The following CLUAP1 variants were observed in gnomAD, a reference collection of about 807,000 sequenced individuals.
The protein encoded by CLUAP1 is clusterin-associated protein 1.
A neutral mutation model predicts 55.0 loss-of-function variants in CLUAP1; 50 were observed. The ratio of observed to expected loss-of-function variants is 0.91; its 90% confidence interval spans 0.72 to 1.15. The LOEUF is 1.15. CLUAP1 is among the 50% of genes most tolerant of loss of function. CLUAP1 has a pLI of 0.00. For missense variants in CLUAP1, 530 were observed against 507.6 expected, an observed-to-expected ratio of 1.04 and a Z score of -0.42; for synonymous variants, 195 against 175.4, an observed-to-expected ratio of 1.11 and a Z score of -0.88.
At chr16:3,529,748 A>ATAATATATAATATATATTATAT (rs2038062579) in intron 9 of CLUAP1, among the ~76,000 whole-genome samples, 1 of 44,668 alleles carries the variant, frequency 2.2e-5, no homozygotes, top group Non-Finnish European at 3.7e-5. Flanking sequence ...TATATATTAT[A>ATAATATATAATATATATTATAT]TATTATATAA....
At chr16:3,516,179 TGAATCACGACA>T (rs1046576709) in intron 6 of CLUAP1, among the ~76,000 whole-genome samples, 12 of 152,182 alleles carry the variant, frequency 7.9e-5, no homozygotes, top group African/African-American at 2.9e-4. Context: ...CTTATAAACA[TGAATCACGACA>T]GGGCATATCA....
chr16:3,530,788 C>A (rs1176075650), intron 10 of CLUAP1, 113 bp downstream of exon 10: 1 of 707,416 alleles, frequency 1.4e-6, no homozygotes. Flanking sequence ...CTGCGAATGG[C>A]CCCTAGAAGC....
At chr16:3,524,050 G>A (rs539545209) in intron 8 of CLUAP1, among the ~76,000 whole-genome samples, 22 of 152,268 alleles carry the variant, frequency 1.4e-4, no homozygotes, top group African/African-American at 5.1e-4. Flanking sequence ...TGTAATCCCA[G>A]CACTTTGGGA....
chr16:3,519,967 C>A lies in CLUAP1; in HGVS notation c.644C>A (p.Ala215Asp). The A allele has an allele frequency of 6.2e-7, 1 of 1,613,348 alleles. No homozygotes were observed. The highest frequency in any genetic ancestry group is 2.2e-5 in the East Asian group (1 of 44,856). ...GCCTCTGATGAAGCTAATTTAGAAGCCAAAATCGAAAAGAGAAAATTAGAA... is the reference window on the plus strand; with the variant it reads ...GCCTCTGATGAAGCTAATTTAGAAGACAAAATCGAAAAGAGAAAATTAGAA... ...NVASDEANLE[A>D]KIEKRKLELE... The change falls in exon 7 of 12, where the codon GCC becomes GAC. Residue 215 changes from alanine (A) to aspartate (D), a missense_variant. Physicochemically the swap from Ala to Asp is moderately radical, Grantham distance 126. Coordinates refer to ENST00000576634, the MANE Select transcript of CLUAP1 (RefSeq NM_015041.3).
intron 1 of CLUAP1, among the ~76,000 whole-genome samples, chr16:3,504,499 C>T (rs767104259): frequency 1.3e-5 from 2 of 152,170 alleles, no homozygotes; most frequent in Non-Finnish European, 2.9e-5. Flanking sequence ...CATGTATAGC[C>T]ATCTACTTCT....
chr16:3,511,626 C>G (rs1008973504), intron 4 of CLUAP1, among the ~76,000 whole-genome samples: 1 of 152,202 alleles, frequency 6.6e-6, no homozygotes, highest in South Asian at 2.1e-4. Context: ...GTCAGGCACC[C>G]TACTGTGACA....
At chr16:3,530,034 T>G (rs1320771171) in intron 9 of CLUAP1, among the ~76,000 whole-genome samples, 2 of 148,494 alleles carry the variant, frequency 1.3e-5, no homozygotes, top group South Asian at 4.2e-4. Flanking sequence ...TGAGCCACAG[T>G]TCTAGGAGCA....
In CLUAP1 at chr16:3,538,060, A is replaced by G. The variant is rs1236778941; in HGVS notation, c.*1789A>G. ...AAAAAGCACAAAACAGTTTTCACTT[A>G]TTTTACAATTAAAAAGTCAGAAGAC... On this transcript the variant is annotated 3_prime_UTR_variant, in exon 12 of 12. Coordinates refer to ENST00000576634, the MANE Select transcript of CLUAP1 (RefSeq NM_015041.3). 6.6e-6 allele frequency: 1 copy of G among 150,904 alleles called. No individual in the cohort carries two copies. Among genetic ancestry groups the G allele is most frequent in the Non-Finnish European group, 1.5e-5 (1 of 67,770 alleles). 9.3% of individuals were successfully genotyped at this position (150,904 alleles called of 1,614,324 possible).
upstream of CLUAP1, among the ~76,000 whole-genome samples, chr16:3,500,595 TC>T (rs2037371447): frequency 6.6e-6 from 1 of 152,162 alleles, no homozygotes; most frequent in African/African-American, 2.4e-5. Flanking sequence ...GGTCTCGAAC[TC>T]CTGACCTCAA....
At chr16:3,496,258 A>C, upstream of CLUAP1, 1 of 699,296 alleles carries the variant, frequency 1.4e-6, no homozygotes, top group Non-Finnish European at 2.6e-6. Flanking sequence ...AGAGCCCAAG[A>C]GCCAGGATAT....
In CLUAP1 at chr16:3,526,392, C is replaced by T; in HGVS notation, c.856-20C>T. ...CAGAAAAGGGCCATCTCTCCTGAGT[C>T]TGTATTTCCTCTTCCACAGGAAGCT... On this transcript the variant is annotated intron_variant, in intron 8 of 11. Transcript: ENST00000576634. The T allele has an allele frequency of 6.4e-7, 1 of 1,571,316 alleles. No homozygotes were observed. Among genetic ancestry groups the T allele is most frequent in the Non-Finnish European group, 8.6e-7 (1 of 1,157,552 alleles).
chr16:3,534,195 G>C (rs2038186127), intron 11 of CLUAP1: 1 of 152,384 alleles, frequency 6.6e-6, no homozygotes, highest in Non-Finnish European at 1.5e-5. Flanking sequence ...AGGGCTCATG[G>C]TGTTAACAGG....
chr16:3,532,700 C>A, intron 10 of CLUAP1, 86 bp from the exon 11 acceptor site: 1 of 1,429,330 alleles, frequency 7.0e-7, no homozygotes, highest in Non-Finnish European at 9.8e-7. Flanking sequence ...AGCCAACATG[C>A]CTGGCCAGAA....
In CLUAP1 at chr16:3,538,937, A is replaced by C. The variant is rs1317385318; in HGVS notation, c.*2666A>C. 6.6e-6 allele frequency: 1 copy of C among 152,206 alleles called. No individual in the cohort carries two copies. The highest frequency in any genetic ancestry group is 1.5e-5 in the Non-Finnish European group (1 of 68,034). The allele number at this position is 152,206 out of a possible 1,614,324, so 9.4% of individuals were successfully genotyped here. A position where few individuals can be genotyped will look rare whatever the true frequency, so the allele number is the denominator to read the frequency against. ...TGGTTGTGATTAGGTCAAATAGAAAACTAGCAGGCCATTGCTGACAATTTT... is the reference window on the plus strand; with the variant it reads ...TGGTTGTGATTAGGTCAAATAGAAACCTAGCAGGCCATTGCTGACAATTTT... On this transcript the variant is annotated 3_prime_UTR_variant, in exon 12 of 12. Transcript: ENST00000576634.
rs2038094176 is a variant in CLUAP1 at position 3,530,576 on chromosome 16, G to C, written c.937G>C (p.Asp313His). The C allele has an allele frequency of 6.2e-7, 1 of 1,613,670 alleles. No homozygotes were observed. Among genetic ancestry groups the C allele is most frequent in the Non-Finnish European group, 8.5e-7 (1 of 1,179,742 alleles). The change falls in exon 10 of 12, where the codon GAC becomes CAC. Residue 313 changes from aspartate to histidine, a missense_variant. By Grantham distance (81) the Asp-to-His change is moderately conservative. Transcript: ENST00000576634. Reference protein sequence around the residue: ...KRLLKSGSNDDSDIDIQEDDE... With the variant: ...KRLLKSGSNDHSDIDIQEDDE... ...GCTTGTGTTCCTGCTAGGTAACGATGACTCGGACATAGACATCCAGGAGGA... is the reference window on the plus strand; with the variant it reads ...GCTTGTGTTCCTGCTAGGTAACGATCACTCGGACATAGACATCCAGGAGGA...
intron 4 of CLUAP1, among the ~76,000 whole-genome samples, chr16:3,510,424 C>T (rs977765579): frequency 2.6e-5 from 4 of 152,094 alleles, no homozygotes; most frequent in Non-Finnish European, 5.9e-5. Context: ...CGTGAGCCAC[C>T]GCGCCTGTCC....
At chr16:3,507,638 G>C (rs951343724) in intron 3 of CLUAP1, among the ~76,000 whole-genome samples, 1 of 150,732 alleles carries the variant, frequency 6.6e-6, no homozygotes, top group Non-Finnish European at 1.5e-5. Flanking sequence ...CCTGGGCCAA[G>C]TTCCATTCCA....
rs2038151866 is a variant in CLUAP1, at chr16:3,532,780, T to C, written c.1037-6T>C. Reference sequence around the variant, plus strand: ...TATGACTTCTTCATGCTTTTGTTGTTCTCAGGAAGACCTGGCAAACGCATT... The same window carrying C: ...TATGACTTCTTCATGCTTTTGTTGTCCTCAGGAAGACCTGGCAAACGCATT... On this transcript the variant is annotated splice_region_variant and splice_polypyrimidine_tract_variant and intron_variant, in intron 10 of 11. Transcript: ENST00000576634. The C allele has an allele frequency of 1.2e-6, 2 of 1,614,042 alleles. No homozygotes were observed. Among genetic ancestry groups the C allele is most frequent in the Admixed American group, 1.7e-5 (1 of 60,014 alleles).
rs763859646 is a variant in CLUAP1 at position 3,508,435 on chromosome 16, T to C, written c.366T>C (p.Asp122=). 1.9e-6 allele frequency: 3 copies of C among 1,584,972 alleles called. No individual in the cohort carries two copies. The highest frequency in any genetic ancestry group is 2.6e-6 in the Non-Finnish European group (3 of 1,172,602). ...AGGGCTCTGAAATAGTAGAGGAAGA[T>C]GTCAACAAGTTCAAGTTTGATCTTG... ...GMEGSEIVEE[D]VNKFKFDLGS... is the part of the protein sequence containing the mutation. The change falls in exon 4 of 12, where the codon GAT becomes GAC. Residue 122 remains aspartate (D), a synonymous_variant. Coordinates refer to ENST00000576634, the MANE Select transcript of CLUAP1 (RefSeq NM_015041.3).
Sources: gnomAD v4.1 joint callset for allele counts (sites outside exome capture counted in the v4.1 genomes callset) on GRCh38, gnomAD v4.1.1 for gene constraint, MANE v1.5 for transcripts, NCBI Gene and HGNC (gene_info 2026-07-23, HGNC 2026-07-21) for gene names.